The following ZG16 variants were observed in gnomAD, a reference collection of about 807,000 sequenced individuals.
ZG16 encodes zymogen granule protein 16, also known as zymogen granule membrane protein 16.
A neutral mutation model predicts 15.6 loss-of-function variants in ZG16; 9 were observed. That is an observed-to-expected ratio of 0.58 (90% confidence interval 0.35 to 1.00). The LOEUF is 1.00. Among genes scored for constraint, ZG16 ranks in the 50% least tolerant of loss-of-function variants. ZG16 has a pLI of 0.02. For missense variants in ZG16, 174 were observed against 214.8 expected, an observed-to-expected ratio of 0.81 and a Z score of 1.19; for synonymous variants, 89 against 87.4, an observed-to-expected ratio of 1.02 and a Z score of -0.10.
In ZG16 at chr16:29,782,779, G is replaced by A. The variant is rs1263427784; in HGVS notation, c.*2360G>A. Reference sequence around the variant, plus strand: ...GGCCCAACTGTTGCGGGAAGTCAGGGACCCCGAACGGAGGGACTGGCTGGA... The same window carrying A: ...GGCCCAACTGTTGCGGGAAGTCAGGAACCCCGAACGGAGGGACTGGCTGGA... On this transcript the variant is annotated 3_prime_UTR_variant, in exon 4 of 4. Coordinates refer to ENST00000400752, the MANE Select transcript of ZG16 (RefSeq NM_152338.4). 1 of 152,908 alleles carries A rather than the reference G, an allele frequency of 6.5e-6. No individual in the cohort carries two copies. The highest frequency in any genetic ancestry group is 6.5e-5 in the Admixed American group (1 of 15,272). The allele number at this position is 152,908 out of a possible 1,614,324, so 9.5% of individuals were successfully genotyped here.
At chr16:29,779,666 G>T in intron 3 of ZG16, 29 bp downstream of exon 3, 1 of 1,536,060 alleles carries the variant, frequency 6.5e-7, no homozygotes, top group South Asian at 1.2e-5. Flanking sequence ...CTGGCTGGGC[G>T]CGGTGGCTCA....
Position 29,780,763 on chromosome 16 carries a change from G to A in ZG16, c.*344G>A. 1 of 227,650 alleles carries A rather than the reference G, an allele frequency of 4.4e-6. No individual in the cohort carries two copies. Among genetic ancestry groups the A allele is most frequent in the Non-Finnish European group, 8.6e-6 (1 of 116,190 alleles). 14.1% of individuals were successfully genotyped at this position (227,650 alleles called of 1,614,324 possible). Reference sequence around the variant, plus strand: ...CCAAACTGGAGTCATGGGTCTGAGGGCAAGGCCTAGTTGTGGCTTACACCA... The same window carrying A: ...CCAAACTGGAGTCATGGGTCTGAGGACAAGGCCTAGTTGTGGCTTACACCA... On this transcript the variant is annotated 3_prime_UTR_variant, in exon 4 of 4. Coordinates refer to ENST00000400752, the MANE Select transcript of ZG16 (RefSeq NM_152338.4).
Position 29,779,561 on chromosome 16 carries a change from TTC to T in ZG16, c.117_118del (p.His40PhefsTer123). The T allele has an allele frequency of 2.0e-6, 3 of 1,537,096 alleles. No homozygotes were observed. The highest frequency in any genetic ancestry group is 2.6e-6 in the Non-Finnish European group (3 of 1,146,888). On this transcript the variant is annotated frameshift_variant, in exon 3 of 4. Transcript: ENST00000400752. LOFTEE classifies it high-confidence loss of function. ...GEYGGGGGKR[F>X]SHSGNQLDGP... is the part of the protein sequence containing the mutation. ...GTATGGAGGTGGTGGTGGAAAGCGA[TTC>T]TCTCATTCTGGCAACCAGTTGGACG...
chr16:29,778,814 C>A (rs191858362), intron 1 of ZG16, among the ~76,000 whole-genome samples: 2 of 152,308 alleles, frequency 1.3e-5, no homozygotes, highest in African/African-American at 4.8e-5. Context: ...TGCTCAGCCT[C>A]TGGGCTCAGT....
chr16:29,779,325 A>G lies in ZG16; in HGVS notation c.55+4A>G. ...GCCTCAGCCTCTGGCAATGCCAGTA[A>G]GTGAGATACCAGGAGCCTGGTATTG... On this transcript the variant is annotated splice_donor_region_variant and intron_variant, in intron 2 of 3. Coordinates refer to ENST00000400752, the MANE Select transcript of ZG16 (RefSeq NM_152338.4). 6.5e-7 allele frequency: 1 copy of G among 1,537,590 alleles called. No individual in the cohort carries two copies. Among genetic ancestry groups the G allele is most frequent in the Non-Finnish European group, 8.7e-7 (1 of 1,146,972 alleles).
At chr16:29,779,973 G>A in intron 3 of ZG16, 131 bp from the exon 4 acceptor site, 1 of 883,152 alleles carries the variant, frequency 1.1e-6, no homozygotes, top group Non-Finnish European at 1.7e-6. Flanking sequence ...CTCTTTGTTG[G>A]CAAAATGAGT....
chr16:29,780,552 T>C lies in ZG16; in HGVS notation c.*133T>C. The stretch of plus-strand genomic sequence containing the variant: ...TGGGGGCATCTGTGGCTGGGATATC[T>C]GCCTCCTGACTTAGCCGGGGACGTG... On this transcript the variant is annotated 3_prime_UTR_variant, in exon 4 of 4. Coordinates refer to ENST00000400752, the MANE Select transcript of ZG16 (RefSeq NM_152338.4). 1 of 839,868 alleles carries C rather than the reference T, an allele frequency of 1.2e-6. No individual in the cohort carries two copies. The highest frequency in any genetic ancestry group is 1.8e-6 in the Non-Finnish European group (1 of 563,130). The allele number at this position is 839,868 out of a possible 1,614,324, so 52.0% of individuals were successfully genotyped here.
In ZG16 at chr16:29,780,617, A is replaced by G. The variant is rs1898615216; in HGVS notation, c.*198A>G. The G allele has an allele frequency of 1.8e-6, 1 of 569,174 alleles. No homozygotes were observed. The highest frequency in any genetic ancestry group is 2.4e-5 in the South Asian group (1 of 41,092). 35.3% of individuals were successfully genotyped at this position (569,174 alleles called of 1,614,324 possible). A position where few individuals can be genotyped will look rare whatever the true frequency, so the allele number is the denominator to read the frequency against. On this transcript the variant is annotated 3_prime_UTR_variant, in exon 4 of 4. Coordinates refer to ENST00000400752, the MANE Select transcript of ZG16 (RefSeq NM_152338.4). ...GGCTGGCTTTGGACATCTGTCTGGA[A>G]GATGGGAAGATGAGGGAGAGGTATG...
In ZG16 at chr16:29,782,083, T is replaced by C. The variant is rs901712995; in HGVS notation, c.*1664T>C. 6.6e-6 allele frequency: 1 copy of C among 152,198 alleles called. No individual in the cohort carries two copies. The highest frequency in any genetic ancestry group is 1.5e-5 in the Non-Finnish European group (1 of 68,034). 9.4% of individuals were successfully genotyped at this position (152,198 alleles called of 1,614,324 possible). On this transcript the variant is annotated 3_prime_UTR_variant, in exon 4 of 4. Transcript: ENST00000400752. ...GGCACCAGTTTTAGTGCCATCTTCTTGCACCCAAATGCTGTCCTTTAACTC... is the reference window on the plus strand; with the variant it reads ...GGCACCAGTTTTAGTGCCATCTTCTCGCACCCAAATGCTGTCCTTTAACTC...
Position 29,782,876 on chromosome 16 carries a change from ACTTT to A in ZG16, c.*2461_*2464del, listed in dbSNP as rs1898638681. 6.6e-6 allele frequency: 1 copy of A among 152,214 alleles called. No individual in the cohort carries two copies. The highest frequency in any genetic ancestry group is 2.1e-4 in the South Asian group (1 of 4,842). 9.4% of individuals were successfully genotyped at this position (152,214 alleles called of 1,614,324 possible). On this transcript the variant is annotated 3_prime_UTR_variant, in exon 4 of 4. Transcript: ENST00000400752. ...CAGTTCCCAAAATTAATACTTTTAT[ACTTT>A]CTTATGCCTGTCTTTACTGCAATCA...
In ZG16 at chr16:29,780,627, A is replaced by T; in HGVS notation, c.*208A>T. The T allele has an allele frequency of 1.8e-6, 1 of 562,906 alleles. No homozygotes were observed. The highest frequency in any genetic ancestry group is 3.1e-6 in the Non-Finnish European group (1 of 319,084). The allele number at this position is 562,906 out of a possible 1,614,324, so 34.9% of individuals were successfully genotyped here. A position where few individuals can be genotyped will look rare whatever the true frequency, so the allele number is the denominator to read the frequency against. On this transcript the variant is annotated 3_prime_UTR_variant, in exon 4 of 4. Coordinates refer to ENST00000400752, the MANE Select transcript of ZG16 (RefSeq NM_152338.4). ...GGACATCTGTCTGGAAGATGGGAAG[A>T]TGAGGGAGAGGTATGTAAGAATCCT...
chr16:29,780,063 C>T (rs1340187529), intron 3 of ZG16, 41 bp from the exon 4 acceptor site: 2 of 1,493,944 alleles, frequency 1.3e-6, no homozygotes, highest in African/African-American at 1.4e-5. Flanking sequence ...TCATCCCTAT[C>T]ATCACCTTTC....
chr16:29,778,596 A>G (rs780972346), intron 1 of ZG16, among the ~76,000 whole-genome samples: 1 of 152,086 alleles, frequency 6.6e-6, no homozygotes, highest in Non-Finnish European at 1.5e-5. Flanking sequence ...CTCCTTCTGC[A>G]ACTTCTCTGT....
intron 3 of ZG16, 48 bp from the exon 4 acceptor site, chr16:29,780,056 T>A: frequency 6.8e-7 from 1 of 1,474,390 alleles, no homozygotes; most frequent in Admixed American, 2.1e-5. Flanking sequence ...AGACCTCTCA[T>A]CCCTATCATC....
chr16:29,780,597 G>A lies in ZG16; in HGVS notation c.*178G>A. 1 of 603,472 alleles carries A rather than the reference G, an allele frequency of 1.7e-6. No individual in the cohort carries two copies. The allele number at this position is 603,472 out of a possible 1,614,324, so 37.4% of individuals were successfully genotyped here. On this transcript the variant is annotated 3_prime_UTR_variant, in exon 4 of 4. Coordinates refer to ENST00000400752, the MANE Select transcript of ZG16 (RefSeq NM_152338.4). Reference sequence around the variant, plus strand: ...GACGTGCAAATCTCACTTCTGGCTGGCTTTGGACATCTGTCTGGAAGATGG... The same window carrying A: ...GACGTGCAAATCTCACTTCTGGCTGACTTTGGACATCTGTCTGGAAGATGG...
intron 1 of ZG16, among the ~76,000 whole-genome samples, chr16:29,778,789 T>C (rs1433164518): frequency 6.6e-6 from 1 of 152,192 alleles, no homozygotes; most frequent in Non-Finnish European, 1.5e-5. Context: ...TCACCACAGA[T>C]GATGAGGCTT....
At chr16:29,779,974 C>A in intron 3 of ZG16, 130 bp from the exon 4 acceptor site, 1 of 894,194 alleles carries the variant, frequency 1.1e-6, no homozygotes, top group Non-Finnish European at 1.7e-6. Flanking sequence ...TCTTTGTTGG[C>A]AAAATGAGTT....
rs903698099 is a variant in ZG16 at position 29,781,489 on chromosome 16, T to C, written c.*1070T>C. ...GTATACGTTAGTTTTGTAAAAGTTA[T>C]CAATATCTGGCTGGGCACAGTGCTC... On this transcript the variant is annotated 3_prime_UTR_variant, in exon 4 of 4. Transcript: ENST00000400752. The C allele has an allele frequency of 1.3e-5, 2 of 152,158 alleles. No homozygotes were observed. Among genetic ancestry groups the C allele is most frequent in the Non-Finnish European group, 2.9e-5 (2 of 68,046 alleles). The allele number at this position is 152,158 out of a possible 1,614,324, so 9.4% of individuals were successfully genotyped here. A position where few individuals can be genotyped will look rare whatever the true frequency, so the allele number is the denominator to read the frequency against.
chr16:29,779,388 C>G, intron 2 of ZG16, 67 bp downstream of exon 2: 1 of 1,535,702 alleles, frequency 6.5e-7, no homozygotes, highest in Non-Finnish European at 8.7e-7. Context: ...TGCTGTTGGC[C>G]AAGGCTTTTG....
Sources: allele counts gnomAD v4.1 joint callset (sites outside exome capture counted in the v4.1 genomes callset), GRCh38; gene constraint gnomAD v4.1.1; transcripts MANE v1.5; gene names NCBI Gene and HGNC (gene_info 2026-07-23, HGNC 2026-07-21).